DISC1: variants seen among roughly 807,000 people sequenced by gnomAD.
DISC1 encodes the protein disrupted in schizophrenia 1 protein.
Under a neutral mutation model 84.5 loss-of-function variants are expected in DISC1, and 57 were observed. The ratio of observed to expected loss-of-function variants is 0.67; its 90% CI spans 0.55 to 0.84. DISC1 has a LOEUF of 0.84. Ranked by LOEUF, DISC1 falls within the 40% of genes least tolerant of loss-of-function variation. The probability of loss-of-function intolerance (pLI) is 0.00; values close to 1 mark genes in which losing one functional copy is unlikely to be tolerated. For missense variants in DISC1, 1,000 were observed against 1,057.8 expected, an observed-to-expected ratio of 0.95 and a Z score of 0.76; for synonymous variants, 411 against 415.2, an observed-to-expected ratio of 0.99 and a Z score of 0.12.
chr1:231,761,628 A>G (rs202126184), intron 4 of DISC1, among the ~76,000 whole-genome samples: 1 of 152,210 alleles, frequency 6.6e-6, no homozygotes, highest in Non-Finnish European at 1.5e-5. Context: ...CTCTGTAGCT[A>G]ATTTTCAATT....
At chr1:231,715,732 G>T (rs1439524578) in intron 3 of DISC1, among the ~76,000 whole-genome samples, 1 of 152,188 alleles carries the variant, frequency 6.6e-6, no homozygotes, top group Non-Finnish European at 1.5e-5. Flanking sequence ...GCCTGGGATA[G>T]TCAGTACTAA....
intron 11 of DISC1, among the ~76,000 whole-genome samples, chr1:232,021,197 C>A (rs1167065055): frequency 2.0e-5 from 3 of 152,162 alleles, no homozygotes; most frequent in Non-Finnish European, 4.4e-5. Context: ...TAAGTGTCCC[C>A]TGAAGAAAGA....
At chr1:231,902,870 G>A (rs1245719647) in intron 9 of DISC1, among the ~76,000 whole-genome samples, 1 of 152,088 alleles carries the variant, frequency 6.6e-6, no homozygotes, top group Non-Finnish European at 1.5e-5. Flanking sequence ...AGTGCTCATT[G>A]GAGCATTTTA....
At chr1:231,810,459 A>T (rs916079456) in intron 8 of DISC1, among the ~76,000 whole-genome samples, 13 of 152,252 alleles carry the variant, frequency 8.5e-5, no homozygotes, top group African/African-American at 3.1e-4. Flanking sequence ...CCCAGTAAAG[A>T]TGTTTTCAAA....
At chr1:231,860,931 C>T (rs2084597247) in intron 9 of DISC1, among the ~76,000 whole-genome samples, 1 of 152,214 alleles carries the variant, frequency 6.6e-6, no homozygotes, top group Non-Finnish European at 1.5e-5. Context: ...GGCAGAATTG[C>T]AGACTGCATT....
intron 4 of DISC1, among the ~76,000 whole-genome samples, chr1:231,763,210 T>G (rs2075909321): frequency 6.6e-6 from 1 of 152,170 alleles, no homozygotes; most frequent in South Asian, 2.1e-4. Flanking sequence ...AAACTCTCCT[T>G]CCTGCTGTCT....
At chr1:231,923,048 C>T (rs150330594) in intron 9 of DISC1, among the ~76,000 whole-genome samples, 2,501 of 152,076 alleles carry the variant, frequency 0.016, 35 homozygotes, top group Admixed American at 0.025. Context: ...GAGGCCGAGG[C>T]GGGCAGATCA....
At chr1:231,793,731 C>A (rs914497976) in intron 6 of DISC1, among the ~76,000 whole-genome samples, 2 of 152,148 alleles carry the variant, frequency 1.3e-5, no homozygotes, top group Non-Finnish European at 1.5e-5. Context: ...GGAATGATTT[C>A]TCATTGCTTG....
intron 9 of DISC1, among the ~76,000 whole-genome samples, chr1:231,887,849 ATTATTCCTTGTT>A (rs1258068305): frequency 6.6e-6 from 1 of 152,222 alleles, no homozygotes. Context: ...TTAAAGGTGA[ATTATTCCTTGTT>A]TTATTCTTGG....
Position 231,674,894 on chromosome 1 carries a change from C to T in DISC1, c.68-18932C>T, listed in dbSNP as rs574800596. Among the ~76,000 whole-genome samples, 3 of 152,276 alleles carry T rather than the reference C, an allele frequency of 2.0e-5. No individual in the cohort carries two copies. In the South Asian group the frequency reaches 6.2e-4, roughly 32 times the overall value. On this transcript the variant is annotated intron_variant, in intron 1 of 12. Coordinates refer to ENST00000439617, the MANE Select transcript of DISC1 (RefSeq NM_018662.3). ...AGTGTTCCGGATGTCCCTTTGTTTT[C>T]ACCCCATTCCTACGCCCGCCCAGAC...
intron 2 of DISC1, among the ~76,000 whole-genome samples, chr1:231,700,195 C>A (rs11577035): frequency 0.26 from 39,097 of 152,068 alleles, 5,522 homozygotes; most frequent in Non-Finnish European, 0.32. Flanking sequence ...ACAGTTGACC[C>A]TTGAACAACA....
chr1:231,843,690 G>A (rs1169629506), intron 9 of DISC1, among the ~76,000 whole-genome samples: 1 of 152,192 alleles, frequency 6.6e-6, no homozygotes, highest in African/African-American at 2.4e-5. Context: ...GTGGTCATGA[G>A]GGAGGAGATA....
chr1:231,744,646 G>A (rs1347685928), intron 3 of DISC1, among the ~76,000 whole-genome samples: 1 of 152,126 alleles, frequency 6.6e-6, no homozygotes, highest in Non-Finnish European at 1.5e-5. Context: ...AAGGGCCAGT[G>A]AGAGAATCCC....
At chr1:231,682,442 ACT>A (rs67176507) in intron 1 of DISC1, among the ~76,000 whole-genome samples, 5,280 of 152,152 alleles carry the variant, frequency 0.035, 296 homozygotes, top group African/African-American at 0.12. Context: ...TCCTTCAGTG[ACT>A]CTGTGCCAGG....
chr1:231,771,022 C>A lies in DISC1; in HGVS notation c.1586C>A (p.Ser529Ter). 2 of 1,611,208 alleles carry A rather than the reference C, an allele frequency of 1.2e-6. No homozygotes were observed. Among genetic ancestry groups the A allele is most frequent in the Non-Finnish European group, 1.7e-6 (2 of 1,178,638 alleles). Residue 529 changes from serine to a stop codon, truncating the protein, a stop_gained, in exon 6 of 13, where the codon TCA (serine) becomes TAA (stop). Transcript: ENST00000439617. LOFTEE classifies it high-confidence loss of function. ...VSKALQDTLA[S>*]AGQIPFHAEP... ...AAGGCCTTGCAGGACACCCTGGCCT[C>A]AGCCGGTCAGATTCCCTTCCATGCA... is the stretch of plus-strand genomic sequence containing the variant.
intron 3 of DISC1, among the ~76,000 whole-genome samples, chr1:231,708,014 T>C (rs1423320676): frequency 6.6e-6 from 1 of 152,208 alleles, no homozygotes; most frequent in Non-Finnish European, 1.5e-5. Flanking sequence ...GGTGGAACTA[T>C]TACCTTTTTA....
At chr1:231,935,778 A>T (rs2090946826) in intron 9 of DISC1, among the ~76,000 whole-genome samples, 1 of 152,232 alleles carries the variant, frequency 6.6e-6, no homozygotes, top group Non-Finnish European at 1.5e-5. Context: ...ATAAATGTGG[A>T]CGTGCACAAT....
chr1:231,894,467 T>A (rs2087518809), intron 9 of DISC1, among the ~76,000 whole-genome samples: 1 of 152,158 alleles, frequency 6.6e-6, no homozygotes, highest in African/African-American at 2.4e-5. Flanking sequence ...ATACAAAAAA[T>A]TTTAAAACTT....
At position 231,798,113 on chromosome 1, in the gene DISC1, C is replaced by CCACACACACACACACACA. The variant is rs113265676; in HGVS notation, c.1690-1990_1690-1973dup. Among the ~76,000 whole-genome samples, 1,246 of 147,164 alleles carry CCACACACACACACACACA rather than the reference C, an allele frequency of 8.5e-3. 13 individuals carry two copies. Among genetic ancestry groups the CCACACACACACACACACA allele is most frequent in the South Asian group, 0.027 (124 of 4,596 alleles). ...TTCTTTCTCTAGTGTGTTAGACACACCACACACACACACACACACACATAC... is the reference window on the plus strand; with the variant it reads ...TTCTTTCTCTAGTGTGTTAGACACACCACACACACACACACACACACACACACACACACACACACATAC... On this transcript the variant is annotated intron_variant, in intron 7 of 12. Transcript: ENST00000439617.
Sources: gnomAD v4.1 joint callset for allele counts (sites outside exome capture counted in the v4.1 genomes callset) on GRCh38, gnomAD v4.1.1 for gene constraint, MANE v1.5 for transcripts, NCBI Gene and HGNC (gene_info 2026-07-23, HGNC 2026-07-21) for gene names.